Variants in PDE11A observed in about 807,000 individuals in gnomAD.
PDE11A encodes phosphodiesterase 11A.
Under a neutral mutation model 100.5 loss-of-function variants are expected in PDE11A, and 100 were observed. That is an observed-to-expected ratio of 1.00 (90% CI 0.85 to 1.18). PDE11A has a LOEUF of 1.18. Ranked by LOEUF, PDE11A falls within the 50% of genes most tolerant of loss-of-function variation. PDE11A has a pLI of 0.00. For synonymous variants in PDE11A, 381 were observed against 420.8 expected (o/e 0.91, Z 1.16); for missense variants, 1,141 against 1,152.6 (o/e 0.99, Z 0.15).
rs201572288 is a variant in PDE11A at position 177,697,410 on chromosome 2, A to T, written c.2267T>A (p.Leu756Gln). ...AAGGTCACTATATTCCTTGGAGGAC[A>T]GGTTAGCAAAGATATTGTGACCCTG... is the stretch of plus-strand genomic sequence containing the variant. Reference protein sequence around the residue: ...QSEGHNIFANLSSKEYSDLMQ... With the variant: ...QSEGHNIFANQSSKEYSDLMQ... The change falls in exon 15 of 20, where the codon CTG (leucine) becomes CAG (glutamine). Residue 756 changes from leucine to glutamine, a missense_variant. Transcript: ENST00000286063. 1.4e-4 allele frequency: 224 copies of T among 1,581,076 alleles called. No individual in the cohort carries two copies. The East Asian group carries it at 3.7e-3, about 26-fold the overall frequency.
chr2:177,859,528 G>A (rs966456887), intron 5 of PDE11A, among the ~76,000 whole-genome samples: 9 of 151,826 alleles, frequency 5.9e-5, no homozygotes, highest in Non-Finnish European at 1.3e-4. Flanking sequence ...AATAATAGTG[G>A]AGCCTTCAAC....
intron 6 of PDE11A, among the ~76,000 whole-genome samples, chr2:177,823,414 A>C (rs1478095270): frequency 6.6e-6 from 1 of 152,206 alleles, no homozygotes; most frequent in Admixed American, 6.5e-5. Context: ...CTTCAAAGAC[A>C]ACAGTGATGA....
At chr2:178,023,689 T>C (rs747406725) in intron 1 of PDE11A, among the ~76,000 whole-genome samples, 7 of 152,210 alleles carry the variant, frequency 4.6e-5, no homozygotes, top group Non-Finnish European at 8.8e-5. Flanking sequence ...ATGATGTAAT[T>C]ATGTTTCCTG....
chr2:177,718,921 T>A (rs562687417), intron 12 of PDE11A, among the ~76,000 whole-genome samples: 34 of 152,350 alleles, frequency 2.2e-4, no homozygotes, highest in African/African-American at 8.2e-4. Context: ...TATTATTTAC[T>A]GATTTCCTGG....
At chr2:178,006,853 C>A (rs142919673) in intron 2 of PDE11A, among the ~76,000 whole-genome samples, 1 of 151,702 alleles carries the variant, frequency 6.6e-6, no homozygotes, top group African/African-American at 2.4e-5. Context: ...TGCATTCCAA[C>A]CAAAGATGTT....
intron 7 of PDE11A, among the ~76,000 whole-genome samples, chr2:177,819,908 C>A (rs2083109205): frequency 7.9e-6 from 1 of 127,312 alleles, no homozygotes; most frequent in African/African-American, 3.5e-5. Flanking sequence ...CTCTGTCTCT[C>A]TCTGGCTTTT....
intron 9 of PDE11A, among the ~76,000 whole-genome samples, chr2:177,787,909 A>G (rs1558938675): frequency 1.3e-5 from 2 of 152,198 alleles, no homozygotes; most frequent in African/African-American, 2.4e-5. Context: ...TGACCTACAA[A>G]GAGACTTAGA....
chr2:177,812,163 T>C (rs1005543258), intron 9 of PDE11A, among the ~76,000 whole-genome samples: 12 of 151,160 alleles, frequency 7.9e-5, no homozygotes, highest in Non-Finnish European at 1.0e-4. Flanking sequence ...GGCTTGAAAA[T>C]TTTTTTTTAA....
intron 2 of PDE11A, among the ~76,000 whole-genome samples, chr2:177,956,484 T>G (rs2085564210): frequency 6.6e-6 from 1 of 152,344 alleles, no homozygotes; most frequent in East Asian, 1.9e-4. Context: ...AGTTCAACCA[T>G]TGTGGAAGTC....
At chr2:178,067,561 C>T (rs2087064250) in intron 1 of PDE11A, among the ~76,000 whole-genome samples, 1 of 152,198 alleles carries the variant, frequency 6.6e-6, no homozygotes, top group Non-Finnish European at 1.5e-5. Flanking sequence ...TACCCCACAA[C>T]TATCTCTAAC....
intron 15 of PDE11A, chr2:177,683,513 T>C (rs912318666): frequency 2.0e-5 from 3 of 152,130 alleles, no homozygotes; most frequent in African/African-American, 4.8e-5. Context: ...CGCCTGCGCA[T>C]TGGGAGGATG....
At chr2:177,971,780 G>A (rs1410786748) in intron 2 of PDE11A, among the ~76,000 whole-genome samples, 1 of 151,934 alleles carries the variant, frequency 6.6e-6, no homozygotes, top group Non-Finnish European at 1.5e-5. Flanking sequence ...AATAATACCA[G>A]TCACTCAACT....
intron 1 of PDE11A, among the ~76,000 whole-genome samples, chr2:178,049,379 G>C (rs2086792938): frequency 6.6e-6 from 1 of 152,144 alleles, no homozygotes. Flanking sequence ...GAAGTTCCAA[G>C]GTGGCCAAAT....
chr2:177,886,285 C>A (rs753868393), intron 4 of PDE11A, among the ~76,000 whole-genome samples: 5 of 152,272 alleles, frequency 3.3e-5, no homozygotes, highest in Middle Eastern at 3.4e-3. Context: ...ATGCCATTGA[C>A]AAAATCACTT....
intron 13 of PDE11A, among the ~76,000 whole-genome samples, chr2:177,711,040 A>G (rs1375948017): frequency 2.0e-5 from 3 of 152,244 alleles, no homozygotes; most frequent in Non-Finnish European, 4.4e-5. Context: ...CAGACTCTCA[A>G]TATACAAGTC....
At chr2:177,910,439 T>C (rs1164079099) in intron 2 of PDE11A, among the ~76,000 whole-genome samples, 6 of 151,138 alleles carry the variant, frequency 4.0e-5, no homozygotes, top group Non-Finnish European at 8.9e-5. Context: ...TATATATATA[T>C]ATATATACAC....
chr2:177,913,423 T>A (rs2084910580), intron 2 of PDE11A, among the ~76,000 whole-genome samples: 1 of 152,172 alleles, frequency 6.6e-6, no homozygotes, highest in African/African-American at 2.4e-5. Context: ...TTTAAAATAA[T>A]CCTTAACAAT....
intron 15 of PDE11A, among the ~76,000 whole-genome samples, chr2:177,686,108 C>A (rs1246809809): frequency 6.6e-6 from 1 of 152,164 alleles, no homozygotes; most frequent in East Asian, 1.9e-4. Flanking sequence ...CAAAACGTAG[C>A]ATGCTAATTT....
intron 2 of PDE11A, among the ~76,000 whole-genome samples, chr2:178,088,913 A>G (rs185135850): frequency 5.3e-5 from 8 of 152,332 alleles, no homozygotes; most frequent in Non-Finnish European, 7.4e-5. Flanking sequence ...ACAACTTGAC[A>G]ACTGTAAAGA....
Sources: gnomAD v4.1 joint callset for allele counts (sites outside exome capture counted in the v4.1 genomes callset) on GRCh38, gnomAD v4.1.1 for gene constraint, MANE v1.5 for transcripts, NCBI Gene and HGNC (gene_info 2026-07-23, HGNC 2026-07-21) for gene names.